The following RAD54L2 variants were observed in gnomAD, a reference collection of about 807,000 sequenced individuals.
RAD54L2 encodes the protein RAD54 like 2.
A neutral mutation model predicts 138.4 loss-of-function variants in RAD54L2; 27 were observed. The ratio of observed to expected loss-of-function variants is 0.20; its 90% CI spans 0.14 to 0.27. RAD54L2 has a LOEUF of 0.27. Among genes scored for constraint, RAD54L2 ranks in the 10% least tolerant of loss-of-function variants. RAD54L2 has a pLI of 1.00. For missense variants in RAD54L2, 1,396 were observed against 1,890.2 expected, an observed-to-expected ratio of 0.74 and a Z score of 4.85; for synonymous variants, 644 against 723.2, an observed-to-expected ratio of 0.89 and a Z score of 1.76.
chr3:51,569,685 TTCTC>T (rs1699294996), intron 2 of RAD54L2, among the ~76,000 whole-genome samples: 1 of 152,034 alleles, frequency 6.6e-6, no homozygotes, highest in Admixed American at 6.6e-5. Context: ...CCCAGTCTAA[TTCTC>T]TCTGTTTTTG....
chr3:51,663,467 C>T lies in RAD54L2; in HGVS notation c.*47C>T. 6.4e-7 allele frequency: 1 copy of T among 1,572,288 alleles called. No individual in the cohort carries two copies. The highest frequency in any genetic ancestry group is 8.7e-7 in the Non-Finnish European group (1 of 1,154,934). ...CACTTGGGGCCCCCAGCAGGTTGCC[C>T]ACCAAGCTGAAAGGCAGTGATTTAG... On this transcript the variant is annotated 3_prime_UTR_variant, in exon 23 of 23. Coordinates refer to ENST00000684192, the MANE Select transcript of RAD54L2 (RefSeq NM_015106.4).
chr3:51,639,617 G>T lies in RAD54L2; in HGVS notation c.2059G>T (p.Val687Phe), dbSNP rs532971546. 4.3e-5 allele frequency: 70 copies of T among 1,613,764 alleles called. 1 individual carries two copies. In the Middle Eastern group the frequency reaches 4.9e-4, roughly 11 times the overall value. ...AACCAATAGCAAGTTCCTACAGGGC[G>T]TTGGCTTCAACCCTTTCCAGGAGCG... ...EATNSKFLQG[V>F]GFNPFQERGN... Residue 687 changes from valine (V) to phenylalanine (F), a missense_variant, in exon 13 of 23, where the codon GTT becomes TTT. Val to Phe is a conservative substitution (Grantham distance 50). Coordinates refer to ENST00000684192, the MANE Select transcript of RAD54L2 (RefSeq NM_015106.4).
chr3:51,645,304 G>T lies in RAD54L2; in HGVS notation c.2656+75G>T. The T allele has an allele frequency of 7.0e-7, 1 of 1,423,384 alleles. No individual in the cohort carries two copies. Among genetic ancestry groups the T allele is most frequent in the South Asian group, 1.2e-5 (1 of 80,356 alleles). The allele number at this position is 1,423,384 out of a possible 1,614,324, so 88.2% of individuals were successfully genotyped here. A position where few individuals can be genotyped will look rare whatever the true frequency, so the allele number is the denominator to read the frequency against. ...CCTTTTAGTATCAAGGGTGGGAGAG[G>T]AGCAGGATATGGGAACACAGGCAGG... On this transcript the variant is annotated intron_variant, in intron 17 of 22. Coordinates refer to ENST00000684192, the MANE Select transcript of RAD54L2 (RefSeq NM_015106.4). The surrounding 1 kb of genome is among the most constrained non-coding windows in gnomAD (Gnocchi z 6.1).
chr3:51,636,349 T>C (rs1441816934), intron 10 of RAD54L2, among the ~76,000 whole-genome samples: 2 of 152,168 alleles, frequency 1.3e-5, no homozygotes, highest in Non-Finnish European at 2.9e-5. Flanking sequence ...GAGATTATGT[T>C]TGTTCTAGGT....
At chr3:51,654,191 G>C (rs780506326) in intron 19 of RAD54L2, among the ~76,000 whole-genome samples, 5 of 152,038 alleles carry the variant, frequency 3.3e-5, no homozygotes, top group Non-Finnish European at 7.4e-5. Context: ...GGGATTATAG[G>C]TGCACACCAC....
chr3:51,556,653 T>C (rs1698974492), intron 2 of RAD54L2, among the ~76,000 whole-genome samples: 1 of 152,164 alleles, frequency 6.6e-6, no homozygotes. Flanking sequence ...CTCGGCTCAT[T>C]GCAACCTCCG....
chr3:51,631,462 G>C (rs940336334), intron 7 of RAD54L2, among the ~76,000 whole-genome samples: 1 of 130,608 alleles, frequency 7.7e-6, no homozygotes, highest in South Asian at 2.4e-4. Flanking sequence ...GTCTTGCTCT[G>C]TTTCTCAGGC....
At chr3:51,597,742 C>T (rs368539681) in intron 3 of RAD54L2, among the ~76,000 whole-genome samples, 9 of 152,024 alleles carry the variant, frequency 5.9e-5, no homozygotes, top group Non-Finnish European at 1.2e-4. Context: ...GAACGAGGAT[C>T]GCTTGAACTC....
chr3:51,583,050 C>T (rs2106693267), intron 2 of RAD54L2, among the ~76,000 whole-genome samples: 1 of 152,266 alleles, frequency 6.6e-6, no homozygotes, highest in Admixed American at 6.5e-5. Context: ...CAGGCATGAG[C>T]CACCATGCCC....
At chr3:51,560,755 A>AT (rs1262257911) in intron 2 of RAD54L2, among the ~76,000 whole-genome samples, 1 of 151,604 alleles carries the variant, frequency 6.6e-6, no homozygotes, top group Non-Finnish European at 1.5e-5. Context: ...CTTCCAGCAA[A>AT]TTTTTTTTCT....
intron 15 of RAD54L2, among the ~76,000 whole-genome samples, chr3:51,642,872 T>C (rs1050299757): frequency 3.9e-5 from 6 of 152,232 alleles, no homozygotes; most frequent in Admixed American, 6.5e-5. Flanking sequence ...GAAAAGTAGG[T>C]TGGGGTCCTG....
chr3:51,638,569 C>G lies in RAD54L2; in HGVS notation c.1860+248C>G, dbSNP rs1701048563. ...CCCTGCAGTGTGCAACTCAGCTGCACAACTTGTTATTCCAAGGGGATTAAT... is the reference window on the plus strand; with the variant it reads ...CCCTGCAGTGTGCAACTCAGCTGCAGAACTTGTTATTCCAAGGGGATTAAT... On this transcript the variant is annotated intron_variant, in intron 12 of 22. Coordinates refer to ENST00000684192, the MANE Select transcript of RAD54L2 (RefSeq NM_015106.4). The surrounding 1 kb of genome is among the most constrained non-coding windows in gnomAD (Gnocchi z 4.3). 1 of 406,940 alleles carries G rather than the reference C, an allele frequency of 2.5e-6. No homozygotes were observed. The highest frequency in any genetic ancestry group is 2.0e-5 in the African/African-American group (1 of 50,178). The allele number at this position is 406,940 out of a possible 1,614,324, so 25.2% of individuals were successfully genotyped here.
intron 2 of RAD54L2, among the ~76,000 whole-genome samples, chr3:51,574,022 T>G: frequency 9.2e-6 from 1 of 109,186 alleles, no homozygotes; most frequent in Admixed American, 1.3e-4. Context: ...TAGGCCCCGG[T>G]GTTTGATGTT....
intron 19 of RAD54L2, among the ~76,000 whole-genome samples, chr3:51,654,301 G>T (rs936625295): frequency 1.3e-5 from 2 of 152,084 alleles, no homozygotes; most frequent in African/African-American, 4.8e-5. Context: ...CACCTGCCTC[G>T]GCCTCCCAAG....
intron 2 of RAD54L2, among the ~76,000 whole-genome samples, chr3:51,559,126 C>T (rs1159082929): frequency 1.3e-5 from 2 of 152,066 alleles, no homozygotes; most frequent in Non-Finnish European, 2.9e-5. Flanking sequence ...CCACCATCCT[C>T]GGCCTCCCAA....
intron 19 of RAD54L2, among the ~76,000 whole-genome samples, chr3:51,652,972 T>G (rs1383426882): frequency 6.6e-6 from 1 of 152,104 alleles, no homozygotes; most frequent in Non-Finnish European, 1.5e-5. Flanking sequence ...CAAAAGAAAC[T>G]ACCATCAGAG....
chr3:51,641,955 C>T (rs994672808), intron 15 of RAD54L2, 88 bp downstream of exon 15: 1 of 897,096 alleles, frequency 1.1e-6, no homozygotes, highest in Non-Finnish European at 1.7e-6. Flanking sequence ...TTTCTCCACT[C>T]CATCAAATGC....
intron 3 of RAD54L2, among the ~76,000 whole-genome samples, chr3:51,617,855 C>G (rs1213769673): frequency 2.0e-5 from 3 of 152,200 alleles, no homozygotes; most frequent in African/African-American, 7.2e-5. Flanking sequence ...AGCACTTCAA[C>G]TCTCGTGACA....
intron 14 of RAD54L2, among the ~76,000 whole-genome samples, chr3:51,640,338 T>G (rs768946701): frequency 7.9e-5 from 12 of 152,248 alleles, no homozygotes; most frequent in Non-Finnish European, 1.3e-4. Flanking sequence ...AAGCCTAAAC[T>G]ATTTGCTATC....
Sources: allele counts gnomAD v4.1 joint callset (sites outside exome capture counted in the v4.1 genomes callset), GRCh38; gene constraint gnomAD v4.1.1; non-coding constraint Gnocchi (gnomAD v3.1); transcripts MANE v1.5; gene names NCBI Gene and HGNC (gene_info 2026-07-23, HGNC 2026-07-21).